DENND5B: variants seen among roughly 807,000 people sequenced by gnomAD.
DENND5B encodes the protein DENN domain containing 5B.
Under a neutral mutation model 140.6 loss-of-function variants are expected in DENND5B, and 34 were observed. The observed-to-expected ratio is 0.24, with a 90% CI of 0.18 to 0.32. DENND5B has a LOEUF of 0.32. Among genes scored for constraint, DENND5B ranks in the 10% least tolerant of loss-of-function variants. The pLI, the probability that DENND5B is intolerant of heterozygous loss-of-function variation, is 1.00. For missense variants in DENND5B, 1,142 were observed against 1,560.2 expected, an observed-to-expected ratio of 0.73 and a Z score of 4.52; for synonymous variants, 551 against 562.1, an observed-to-expected ratio of 0.98 and a Z score of 0.28.
intron 4 of DENND5B, among the ~76,000 whole-genome samples, chr12:31,454,812 CTTTTTTTT>C (rs201720111): frequency 6.4e-5 from 6 of 93,884 alleles, no homozygotes; most frequent in Non-Finnish European, 9.6e-5. Context: ...GATTCAGTAT[CTTTTTTTT>C]TTTTTTTTTT....
intron 8 of DENND5B, among the ~76,000 whole-genome samples, chr12:31,429,838 C>G (rs537393662): frequency 3.4e-4 from 52 of 152,096 alleles, no homozygotes; most frequent in African/African-American, 1.0e-3. Context: ...TCCCAAGTAG[C>G]TGGCATTATA....
intron 12 of DENND5B, 110 bp from the exon 13 acceptor site, chr12:31,413,674 G>T: frequency 8.4e-7 from 1 of 1,186,084 alleles, no homozygotes. Context: ...CTTAAAGGGA[G>T]CAATGGATAA....
chr12:31,426,466 A>G, intron 8 of DENND5B, 42 bp from the exon 9 acceptor site: 1 of 1,578,712 alleles, frequency 6.3e-7, no homozygotes, highest in Non-Finnish European at 8.6e-7. Flanking sequence ...AACATTAGCT[A>G]TTCTTCTAAT....
intron 8 of DENND5B, 74 bp downstream of exon 8, chr12:31,433,081 T>G: frequency 8.3e-7 from 1 of 1,207,038 alleles, no homozygotes; most frequent in Non-Finnish European, 1.2e-6. Context: ...ATCTACACAA[T>G]GACATCTGCT....
chr12:31,422,540 G>A (rs1943078768), intron 11 of DENND5B, among the ~76,000 whole-genome samples: 1 of 152,138 alleles, frequency 6.6e-6, no homozygotes, highest in South Asian at 2.1e-4. Flanking sequence ...GGCAGAGGTT[G>A]CAGTGAGCCG....
At chr12:31,422,409 G>A (rs1416923006) in intron 11 of DENND5B, among the ~76,000 whole-genome samples, 3 of 151,258 alleles carry the variant, frequency 2.0e-5, no homozygotes, top group South Asian at 2.1e-4. Context: ...CAGCCTGGGC[G>A]ACACAGCGAG....
intron 12 of DENND5B, among the ~76,000 whole-genome samples, chr12:31,414,738 G>C (rs901318491): frequency 6.6e-6 from 1 of 151,958 alleles, no homozygotes; most frequent in Non-Finnish European, 1.5e-5. Flanking sequence ...GACCATCCTG[G>C]CTAACATGGT....
chr12:31,529,325 C>T (rs76480705), intron 1 of DENND5B, among the ~76,000 whole-genome samples: 6,109 of 152,156 alleles, frequency 0.04, 170 homozygotes, highest in Admixed American at 0.063. Flanking sequence ...TGGATGGACC[C>T]AGCAGTTCTC....
intron 14 of DENND5B, among the ~76,000 whole-genome samples, chr12:31,405,049 C>T (rs1448969016): frequency 6.6e-6 from 1 of 151,340 alleles, no homozygotes; most frequent in Non-Finnish European, 1.5e-5. Context: ...CATGAGCCAC[C>T]GTGCCCGGCC....
At chr12:31,519,937 C>T (rs1947814533) in intron 1 of DENND5B, among the ~76,000 whole-genome samples, 1 of 152,202 alleles carries the variant, frequency 6.6e-6, no homozygotes, top group Non-Finnish European at 1.5e-5. Flanking sequence ...TGCACCTCAC[C>T]TTAGCAGAGA....
In DENND5B at chr12:31,391,852, A is replaced by G. The variant is rs1173638325; in HGVS notation, c.3466+415T>C. Among the ~76,000 whole-genome samples the G allele has an allele frequency of 3.9e-5, 6 of 152,158 alleles. No homozygotes were observed. In the South Asian group the frequency reaches 8.3e-4, roughly 21 times the overall value. On this transcript the variant is annotated intron_variant, in intron 19 of 20. Transcript: ENST00000389082. ...ATTTAATATTTATTTTAAAATATAT[A>G]TATCCTTGCCGGGCACGATGGCTCA...
chr12:31,516,893 C>T (rs1947677831), intron 1 of DENND5B, among the ~76,000 whole-genome samples: 1 of 151,910 alleles, frequency 6.6e-6, no homozygotes, highest in East Asian at 1.9e-4. Context: ...GAGCCCTGAT[C>T]GTGCCACTGC....
intron 1 of DENND5B, among the ~76,000 whole-genome samples, chr12:31,572,539 C>CA (rs10531167): frequency 1.7e-4 from 23 of 135,410 alleles, no homozygotes; most frequent in Non-Finnish European, 3.0e-4. Flanking sequence ...TACTCTTTCT[C>CA]AAAAAAAAAA....
intron 6 of DENND5B, 86 bp from the exon 7 acceptor site, chr12:31,443,011 G>C: frequency 7.9e-7 from 1 of 1,268,718 alleles, no homozygotes; most frequent in South Asian, 1.5e-5. Context: ...CACCTACAGA[G>C]AACCCAATCA....
At chr12:31,416,751 C>T (rs1489687795) in intron 11 of DENND5B, among the ~76,000 whole-genome samples, 1 of 151,732 alleles carries the variant, frequency 6.6e-6, no homozygotes, top group Non-Finnish European at 1.5e-5. Context: ...AATCCCAACA[C>T]TTTGGGAGGC....
intron 3 of DENND5B, among the ~76,000 whole-genome samples, chr12:31,470,012 A>C (rs1400200421): frequency 6.6e-6 from 1 of 151,928 alleles, no homozygotes; most frequent in South Asian, 2.1e-4. Context: ...GCAGTGACAT[A>C]ATAATGGCTC....
chr12:31,437,657 G>A (rs1168182278), intron 7 of DENND5B, among the ~76,000 whole-genome samples: 1 of 152,124 alleles, frequency 6.6e-6, no homozygotes, highest in African/African-American at 2.4e-5. Flanking sequence ...TGAGTTAATT[G>A]CAGATCGTAC....
chr12:31,402,357 A>C, intron 15 of DENND5B, 141 bp downstream of exon 15: 1 of 1,052,258 alleles, frequency 9.5e-7, no homozygotes, highest in Non-Finnish European at 1.3e-6. Context: ...AACTTTAGAC[A>C]TATAATCACA....
At chr12:31,445,748 T>C (rs1413697545) in intron 6 of DENND5B, among the ~76,000 whole-genome samples, 2 of 151,384 alleles carry the variant, frequency 1.3e-5, no homozygotes, top group Non-Finnish European at 2.9e-5. Context: ...CCCAGCACTT[T>C]AGGAAACTGA....
Sources: gnomAD v4.1 joint callset for allele counts (sites outside exome capture counted in the v4.1 genomes callset) on GRCh38, gnomAD v4.1.1 for gene constraint, MANE v1.5 for transcripts, NCBI Gene and HGNC (gene_info 2026-07-23, HGNC 2026-07-21) for gene names.